Variants in KCNQ2 observed in about 807,000 individuals in gnomAD.
KCNQ2 encodes the protein potassium voltage-gated channel subfamily Q member 2, also known as potassium voltage-gated channel subfamily KQT member 2.
In KCNQ2, 14 loss-of-function variants were observed where a neutral mutation model predicts 84.8. That is an observed-to-expected ratio of 0.17 (90% CI 0.11 to 0.26). The LOEUF (loss-of-function observed/expected upper bound fraction) is 0.26, where lower values mean the gene tolerates loss of function less well. Among genes scored for constraint, KCNQ2 ranks in the 10% least tolerant of loss-of-function variants. The probability of loss-of-function intolerance (pLI) is 1.00; values close to 1 mark genes in which losing one functional copy is unlikely to be tolerated. For missense variants in KCNQ2, 788 were observed against 1,254.0 expected, an observed-to-expected ratio of 0.63 and a Z score of 5.61; for synonymous variants, 599 against 554.1, an observed-to-expected ratio of 1.08 and a Z score of -1.14.
intron 7 of KCNQ2, chr20:63,434,820 C>T (rs987343818): frequency 1.2e-4 from 18 of 152,262 alleles, no homozygotes; most frequent in African/African-American, 4.1e-4. Context: ...AAATCACATT[C>T]CGTTCATCCA....
At chr20:63,436,282 A>G (rs2081000612) in intron 7 of KCNQ2, among the ~76,000 whole-genome samples, 1 of 152,224 alleles carries the variant, frequency 6.6e-6, no homozygotes, top group Admixed American at 6.5e-5. Flanking sequence ...CTGTAATCCC[A>G]GCACTTTGGG....
chr20:63,438,610 G>A lies in KCNQ2; in HGVS notation c.1023+15C>T, dbSNP rs555812884. ...ACAAGGGCTGTGCTGGTCCCCGGGG[G>A]ACACCTGGACTCACCTGGATCAGGC... is the stretch of plus-strand genomic sequence containing the variant. On this transcript the variant is annotated intron_variant, in intron 7 of 16. Transcript: ENST00000359125. This position sits in a 1 kb window ranked among gnomAD's most constrained non-coding sequence, Gnocchi z 5.1. The A allele has an allele frequency of 4.7e-5, 75 of 1,609,930 alleles. 1 individual carries two copies. The highest frequency in any genetic ancestry group is 4.1e-4 in the South Asian group (37 of 90,994).
At position 63,438,412 on chromosome 20, in the gene KCNQ2, C is replaced by T; in HGVS notation, c.1023+213G>A. On this transcript the variant is annotated intron_variant, in intron 7 of 16. Coordinates refer to ENST00000359125, the MANE Select transcript of KCNQ2 (RefSeq NM_172107.4). The surrounding 1 kb of genome is among the most constrained non-coding windows in gnomAD (Gnocchi z 5.1). ...AAGGCAAGGGCCACCCCAGCGTCCT[C>T]ACACGAGCCACCCCTGTGCAGCCTC... is the stretch of plus-strand genomic sequence containing the variant. 3 of 623,000 alleles carry T rather than the reference C, an allele frequency of 4.8e-6. No individual in the cohort carries two copies. The South Asian group carries it at 5.5e-5, about 11-fold the overall frequency. The allele number at this position is 623,000 out of a possible 1,614,324, so 38.6% of individuals were successfully genotyped here.
intron 1 of KCNQ2, among the ~76,000 whole-genome samples, chr20:63,454,414 C>T (rs1032305791): frequency 4.6e-5 from 7 of 152,204 alleles, no homozygotes; most frequent in Non-Finnish European, 8.8e-5. Context: ...GACGGACGTG[C>T]GAGAAGAGCC....
At chr20:63,433,741 G>A in intron 8 of KCNQ2, 68 bp downstream of exon 8, 1 of 1,611,824 alleles carries the variant, frequency 6.2e-7, no homozygotes, top group Non-Finnish European at 8.5e-7. Context: ...ACAAAAAGTG[G>A]GGTTTAAGAA....
chr20:63,419,762 G>T, intron 11 of KCNQ2, 90 bp from the exon 12 acceptor site: 2 of 1,203,940 alleles, frequency 1.7e-6, no homozygotes, highest in East Asian at 2.5e-5. Flanking sequence ...ACCACCCAGG[G>T]TGTTGTGTGC....
intron 9 of KCNQ2, among the ~76,000 whole-genome samples, chr20:63,430,172 ACAGG>A (rs1375340696): frequency 6.6e-6 from 1 of 152,158 alleles, no homozygotes; most frequent in Non-Finnish European, 1.5e-5. Context: ...GCCAGGGCAG[ACAGG>A]CGGGCGGCAG....
At chr20:63,434,375 T>G (rs1441031221) in intron 7 of KCNQ2, 4 of 179,318 alleles carry the variant, frequency 2.2e-5, no homozygotes, top group African/African-American at 9.5e-5. Flanking sequence ...AGCCTGTACG[T>G]CAGACTGAAC....
In KCNQ2 at chr20:63,419,629, C is replaced by T. The variant is rs746853951; in HGVS notation, c.1291G>A (p.Gly431Arg). The change falls in exon 12 of 17, where the codon GGA becomes AGA. Residue 431 changes from glycine (G) to arginine (R), a missense_variant. By Grantham distance (125) the Gly-to-Arg change is moderately radical (BLOSUM62 -2). Around this residue, in one of 8 missense-constraint regions of KCNQ2, gnomAD observed 202 missense variants for 239.4 expected, o/e 0.84. Coordinates refer to ENST00000359125, the MANE Select transcript of KCNQ2 (RefSeq NM_172107.4). Reference sequence around the variant, plus strand: ...CGTGTTCCGCGGTACCTAGAGCGTCCGGGGCAGCATCCACACAGGGGCCCT... The same window carrying T: ...CGTGTTCCGCGGTACCTAGAGCGTCTGGGGCAGCATCCACACAGGGGCCCT... ...CRGPLCGCCP[G>R]RSSQKVSLKD... The T allele has an allele frequency of 1.4e-5, 22 of 1,610,854 alleles. No individual in the cohort carries two copies. The highest frequency in any genetic ancestry group is 3.3e-5 in the South Asian group (3 of 90,282).
Position 63,407,301 on chromosome 20 carries a change from C to G in KCNQ2, c.1962G>C (p.Glu654Asp). The change falls in exon 17 of 17, where the codon GAG (glutamate) becomes GAC (aspartate). Residue 654 changes from glutamate to aspartate, a missense_variant. By Grantham distance (45) the Glu-to-Asp change is conservative. Around this residue, in one of 8 missense-constraint regions of KCNQ2, gnomAD observed 378 missense variants for 434.5 expected, o/e 0.87. Transcript: ENST00000359125. The surrounding 1 kb of genome is among the most constrained non-coding windows in gnomAD (Gnocchi z 7.2). ...YMQRMGIPPT[E>D]TEAYFGAKEP... ...CTTTGGCCCCAAAGTAGGCCTCGGTCTCTGTCGGGGGGATGCCCATCCGCT... is the reference window on the plus strand; with the variant it reads ...CTTTGGCCCCAAAGTAGGCCTCGGTGTCTGTCGGGGGGATGCCCATCCGCT... 1.3e-6 allele frequency: 2 copies of G among 1,595,640 alleles called. No homozygotes were observed. Among genetic ancestry groups the G allele is most frequent in the Non-Finnish European group, 1.7e-6 (2 of 1,177,310 alleles).
Position 63,438,504 on chromosome 20 carries a change from G to C in KCNQ2, c.1023+121C>G, listed in dbSNP as rs1000590463. On this transcript the variant is annotated intron_variant, in intron 7 of 16. Coordinates refer to ENST00000359125, the MANE Select transcript of KCNQ2 (RefSeq NM_172107.4). The surrounding 1 kb of genome is among the most constrained non-coding windows in gnomAD (Gnocchi z 5.1). ...CGCTCCTTCCACAGATTCCTGCAGA[G>C]GGTGAGCGCTGTGGCCCATCCACAG... is the stretch of plus-strand genomic sequence containing the variant. 2.4e-6 allele frequency: 2 copies of C among 820,474 alleles called. No individual in the cohort carries two copies. Among genetic ancestry groups the C allele is most frequent in the Non-Finnish European group, 4.2e-6 (2 of 474,864 alleles). The allele number at this position is 820,474 out of a possible 1,614,324, so 50.8% of individuals were successfully genotyped here.
chr20:63,425,462 G>A lies in KCNQ2; in HGVS notation c.1218-1256C>T, dbSNP rs771001024. ...TGGCCAGGCACAGTGGCTCACACCT[G>A]TAATCCCAGCACTTTGGGAGGCCGA... On this transcript the variant is annotated intron_variant, in intron 10 of 16. Coordinates refer to ENST00000359125, the MANE Select transcript of KCNQ2 (RefSeq NM_172107.4). The surrounding 1 kb of genome is among the most constrained non-coding windows in gnomAD (Gnocchi z 5.5). 6.6e-6 allele frequency among the ~76,000 whole-genome samples: 1 copy of A among 152,280 alleles called. No homozygotes were observed. Among genetic ancestry groups the A allele is most frequent in the East Asian group, 1.9e-4 (1 of 5,182 alleles).
chr20:63,462,103 C>T (rs1455091717), intron 1 of KCNQ2, among the ~76,000 whole-genome samples: 2 of 125,100 alleles, frequency 1.6e-5, no homozygotes, highest in Non-Finnish European at 3.3e-5. Context: ...AGAGGCTGCA[C>T]CCACCCCAGG....
chr20:63,458,168 C>A (rs746127414), intron 1 of KCNQ2, among the ~76,000 whole-genome samples: 4 of 152,138 alleles, frequency 2.6e-5, no homozygotes, highest in Non-Finnish European at 5.9e-5. Context: ...CCCGGCATGC[C>A]CCGGCTACCC....
Position 63,400,266 on chromosome 20 carries a change from T to A in KCNQ2, c.*6378A>T, listed in dbSNP as rs2079782299. 4.8e-6 allele frequency: 1 copy of A among 210,330 alleles called. No homozygotes were observed. The highest frequency in any genetic ancestry group is 9.3e-6 in the Non-Finnish European group (1 of 107,320). The allele number at this position is 210,330 out of a possible 1,614,324, so 13.0% of individuals were successfully genotyped here. On this transcript the variant is annotated 3_prime_UTR_variant, in exon 17 of 17. Coordinates refer to ENST00000359125, the MANE Select transcript of KCNQ2 (RefSeq NM_172107.4). This position sits in a 1 kb window ranked among gnomAD's most constrained non-coding sequence, Gnocchi z 8.7. ...CAGGTCCACCTGGCGTCCGAACTCG[T>A]CCCCGTGGCAGCAGGGATCCCCAGA...
chr20:63,411,979 A>C lies in KCNQ2; in HGVS notation c.1763+1471T>G. 4 of 662,294 alleles carry C rather than the reference A, an allele frequency of 6.0e-6. No individual in the cohort carries two copies. The South Asian group carries it at 6.7e-5, about 11-fold the overall frequency. The allele number at this position is 662,294 out of a possible 1,614,324, so 41.0% of individuals were successfully genotyped here. On this transcript the variant is annotated intron_variant, in intron 15 of 16. Coordinates refer to ENST00000359125, the MANE Select transcript of KCNQ2 (RefSeq NM_172107.4). ...AGGAACTGGCGGAAACGGAAGCAAC[A>C]GGGAGGCTCCGTCGAAACAGGTGCT...
At chr20:63,421,125 G>A (rs574139407) in intron 11 of KCNQ2, among the ~76,000 whole-genome samples, 10 of 152,164 alleles carry the variant, frequency 6.6e-5, no homozygotes, top group Admixed American at 5.2e-4. Context: ...AAGGAGGCAG[G>A]GTCCCGCTTC....
chr20:63,464,853 G>C (rs2082043179), intron 1 of KCNQ2, among the ~76,000 whole-genome samples: 1 of 152,200 alleles, frequency 6.6e-6, no homozygotes, highest in African/African-American at 2.4e-5. Flanking sequence ...GGTCTCCCCT[G>C]TCCTTGGCAG....
In KCNQ2 at chr20:63,421,205, C is replaced by T. The variant is rs146139852; in HGVS notation, c.1248-1533G>A. Reference sequence around the variant, plus strand: ...CTTGACCAAGAGGCCCCTCCCGGGCCGGCCCTGCCGCCCGATTCTGCAATG... The same window carrying T: ...CTTGACCAAGAGGCCCCTCCCGGGCTGGCCCTGCCGCCCGATTCTGCAATG... On this transcript the variant is annotated intron_variant, in intron 11 of 16. Coordinates refer to ENST00000359125, the MANE Select transcript of KCNQ2 (RefSeq NM_172107.4). Among the ~76,000 whole-genome samples, 328 of 152,354 alleles carry T rather than the reference C, an allele frequency of 2.2e-3. 2 individuals carry two copies. Among genetic ancestry groups the T allele is most frequent in the Admixed American group, 5.8e-3 (89 of 15,312 alleles).
Sources: allele counts gnomAD v4.1 joint callset (sites outside exome capture counted in the v4.1 genomes callset), GRCh38; gene constraint gnomAD v4.1.1; regional missense constraint gnomAD v4.1.1; non-coding constraint Gnocchi (gnomAD v3.1); transcripts MANE v1.5; gene names NCBI Gene and HGNC (gene_info 2026-07-23, HGNC 2026-07-21).